XPR1: variants seen among roughly 807,000 people sequenced by gnomAD.
XPR1 encodes solute carrier family 53 member 1.
Under a neutral mutation model 87.5 loss-of-function variants are expected in XPR1, and 28 were observed. The observed-to-expected ratio is 0.32, with a 90% CI of 0.24 to 0.44. The LOEUF (loss-of-function observed/expected upper bound fraction) is 0.44. Among genes scored for constraint, XPR1 ranks in the 20% least tolerant of loss-of-function variants. XPR1 has a pLI of 1.00. For missense variants in XPR1, 559 were observed against 862.3 expected (o/e 0.65, Z 4.41); for synonymous variants, 300 against 306.1 (o/e 0.98, Z 0.21).
intron 2 of XPR1, among the ~76,000 whole-genome samples, chr1:180,774,561 T>G (rs967274098): frequency 1.3e-5 from 2 of 151,736 alleles, no homozygotes; most frequent in African/African-American, 4.8e-5. Flanking sequence ...CAGCTAATTT[T>G]TTTGTTTGTT....
chr1:180,782,380 A>G (rs1054213129), intron 2 of XPR1, among the ~76,000 whole-genome samples: 2 of 151,992 alleles, frequency 1.3e-5, no homozygotes, highest in East Asian at 3.8e-4. Flanking sequence ...GTTTTCTCGT[A>G]TTTCTGGAGG....
At chr1:180,676,530 C>G (rs1007534750) in intron 1 of XPR1, among the ~76,000 whole-genome samples, 1 of 151,758 alleles carries the variant, frequency 6.6e-6, no homozygotes. Flanking sequence ...GTTCATTTAC[C>G]TTCTGGAAAT....
intron 2 of XPR1, among the ~76,000 whole-genome samples, chr1:180,731,553 A>C (rs760632230): frequency 2.0e-5 from 3 of 152,238 alleles, no homozygotes; most frequent in Non-Finnish European, 4.4e-5. Context: ...TAAAACAAAT[A>C]CAAGTGTCAA....
intron 2 of XPR1, among the ~76,000 whole-genome samples, chr1:180,712,628 A>C (rs1220447892): frequency 6.6e-6 from 1 of 152,088 alleles, no homozygotes; most frequent in Non-Finnish European, 1.5e-5. Flanking sequence ...CAATATGGTA[A>C]AACCCCATCT....
At chr1:180,791,602 A>G (rs1383999557) in intron 3 of XPR1, among the ~76,000 whole-genome samples, 5 of 152,156 alleles carry the variant, frequency 3.3e-5, no homozygotes, top group Non-Finnish European at 7.3e-5. Flanking sequence ...AATGTACATT[A>G]TGACCCAGCA....
chr1:180,835,141 C>T (rs1299645178), intron 10 of XPR1, 96 bp downstream of exon 10: 29 of 1,304,016 alleles, frequency 2.2e-5, no homozygotes, highest in Non-Finnish European at 2.8e-5. Flanking sequence ...ATGATGAAAA[C>T]TTACCCAATA....
intron 11 of XPR1, among the ~76,000 whole-genome samples, chr1:180,850,983 TA>T (rs1651848374): frequency 6.0e-5 from 9 of 150,408 alleles, no homozygotes; most frequent in African/African-American, 1.5e-4. Context: ...AAAAAAGGAT[TA>T]TAGTATCCTT....
intron 14 of XPR1, among the ~76,000 whole-genome samples, chr1:180,883,526 T>A (rs1358262873): frequency 6.6e-6 from 1 of 151,994 alleles, no homozygotes; most frequent in Admixed American, 6.5e-5. Context: ...CTGGCCAACA[T>A]GGTGAAAGCC....
Position 180,656,456 on chromosome 1 carries a change from T to TAATATATATA in XPR1, c.69+24186_69+24187insAATATATATA, listed in dbSNP as rs1334113687. 7.5e-3 allele frequency among the ~76,000 whole-genome samples: 25 copies of TAATATATATA among 3,346 alleles called. 1 individual carries two copies. Among genetic ancestry groups the TAATATATATA allele is most frequent in the African/African-American group, 0.018 (24 of 1,362 alleles). The allele number at this position is 3,346 out of a possible 152,430, so 2.2% of individuals were successfully genotyped here. ...ATATTTATATATAAATATTTATATATTTATATATAATATTTATACATTATA... is the reference window on the plus strand; with the variant it reads ...ATATTTATATATAAATATTTATATATAATATATATATTATATATAATATTTATACATTATA... On this transcript the variant is annotated intron_variant, in intron 1 of 14. Transcript: ENST00000367590.
At chr1:180,658,559 T>A (rs1281650717) in intron 1 of XPR1, among the ~76,000 whole-genome samples, 1 of 152,130 alleles carries the variant, frequency 6.6e-6, no homozygotes, top group Non-Finnish European at 1.5e-5. Flanking sequence ...ATGGTTTTTT[T>A]TTGTTTGGTT....
chr1:180,666,969 G>A (rs902945662), intron 1 of XPR1, among the ~76,000 whole-genome samples: 2 of 151,576 alleles, frequency 1.3e-5, no homozygotes, highest in African/African-American at 4.9e-5. Context: ...AGGCTGGAGT[G>A]CAGTGGCGCA....
chr1:180,797,951 G>C (rs1357839960), intron 3 of XPR1, among the ~76,000 whole-genome samples: 2 of 152,126 alleles, frequency 1.3e-5, no homozygotes, highest in African/African-American at 4.8e-5. Context: ...TCCTAAGGAT[G>C]ATAAGACAAA....
In XPR1 at chr1:180,740,637, T is replaced by C. The variant is rs141685983; in HGVS notation, c.122-47116T>C. Reference sequence around the variant, plus strand: ...TAGTTTCCTTTTTGTTCTGTCTTAGTCTGATTTTGGTGTCAGGATAGTATT... The same window carrying C: ...TAGTTTCCTTTTTGTTCTGTCTTAGCCTGATTTTGGTGTCAGGATAGTATT... On this transcript the variant is annotated intron_variant, in intron 2 of 14. Coordinates refer to ENST00000367590, the MANE Select transcript of XPR1 (RefSeq NM_004736.4). 2.9e-3 allele frequency among the ~76,000 whole-genome samples: 439 copies of C among 152,300 alleles called. 3 individuals carry two copies. Among genetic ancestry groups the C allele is most frequent in the African/African-American group, 9.6e-3 (397 of 41,558 alleles).
chr1:180,850,932 G>A (rs911966227), intron 11 of XPR1, among the ~76,000 whole-genome samples: 18 of 149,082 alleles, frequency 1.2e-4, no homozygotes, highest in East Asian at 5.9e-4. Flanking sequence ...GTACTCCTGC[G>A]TGGGCAACAG....
At chr1:180,727,424 A>C (rs531525687) in intron 2 of XPR1, among the ~76,000 whole-genome samples, 2 of 152,172 alleles carry the variant, frequency 1.3e-5, no homozygotes, top group African/African-American at 4.8e-5. Flanking sequence ...CGGGCAGATC[A>C]CCTGAGGTCA....
intron 7 of XPR1, 106 bp downstream of exon 7, chr1:180,811,594 ATAAATC>A: frequency 2.3e-6 from 2 of 877,246 alleles, no homozygotes; most frequent in Non-Finnish European, 3.4e-6. Context: ...CTACTGAAAG[ATAAATC>A]TATCAGGGCT....
chr1:180,652,768 TTAAC>T (rs1225709945), intron 1 of XPR1, among the ~76,000 whole-genome samples: 1 of 152,246 alleles, frequency 6.6e-6, no homozygotes, highest in Non-Finnish European at 1.5e-5. Context: ...GATGTATGAA[TTAAC>T]TGTTACTGGA....
At chr1:180,753,840 A>C (rs575081913) in intron 2 of XPR1, among the ~76,000 whole-genome samples, 99 of 152,272 alleles carry the variant, frequency 6.5e-4, no homozygotes, top group Admixed American at 1.6e-3. Flanking sequence ...TTTAAATTGC[A>C]CTTTTACTTT....
intron 3 of XPR1, among the ~76,000 whole-genome samples, chr1:180,793,069 T>C (rs12070161): frequency 0.043 from 6,543 of 152,112 alleles, 504 homozygotes; most frequent in African/African-American, 0.15. Context: ...TGGGAAGTCA[T>C]AGCAGTGTTA....
Sources: gnomAD v4.1 joint callset for allele counts (sites outside exome capture counted in the v4.1 genomes callset) on GRCh38, gnomAD v4.1.1 for gene constraint, MANE v1.5 for transcripts, NCBI Gene and HGNC (gene_info 2026-07-23, HGNC 2026-07-21) for gene names.